Variants in APBB2 observed in about 807,000 individuals in gnomAD.
APBB2 encodes the protein Fe65-like 1.
APBB2 carries 38 observed loss-of-function variants against 82.5 expected under a neutral mutation model. The ratio of observed to expected loss-of-function variants is 0.46; its 90% CI spans 0.36 to 0.60. The LOEUF (loss-of-function observed/expected upper bound fraction) is 0.60. Among genes scored for constraint, APBB2 ranks in the 20% least tolerant of loss-of-function variants. APBB2 has a pLI of 0.00. For missense variants in APBB2, 772 were observed against 972.3 expected, an observed-to-expected ratio of 0.79 and a Z score of 2.74; for synonymous variants, 341 against 368.2, an observed-to-expected ratio of 0.93 and a Z score of 0.85.
At chr4:41,118,805 T>C (rs956764131) in intron 2 of APBB2, among the ~76,000 whole-genome samples, 5 of 152,158 alleles carry the variant, frequency 3.3e-5, no homozygotes, top group African/African-American at 1.2e-4. Context: ...TACCCTGTAC[T>C]ATCTGCTCAG....
intron 2 of APBB2, chr4:41,137,961 GA>G (rs1462847889): frequency 6.6e-6 from 1 of 152,176 alleles, no homozygotes; most frequent in African/African-American, 2.4e-5. Flanking sequence ...GAGGTCAGGA[GA>G]TCAAGACCAT....
chr4:41,177,408 C>T (rs1189086889), intron 1 of APBB2, among the ~76,000 whole-genome samples: 1 of 152,140 alleles, frequency 6.6e-6, no homozygotes, highest in African/African-American at 2.4e-5. Context: ...TCTCATTCTG[C>T]ATTGTAAAAT....
intron 12 of APBB2, among the ~76,000 whole-genome samples, chr4:40,878,860 T>A (rs1030826612): frequency 1.3e-5 from 2 of 152,206 alleles, no homozygotes; most frequent in African/African-American, 4.8e-5. Flanking sequence ...CCACGTCTGA[T>A]CTGGCATTTC....
At chr4:41,162,815 C>T (rs1765518349) in intron 1 of APBB2, among the ~76,000 whole-genome samples, 1 of 152,158 alleles carries the variant, frequency 6.6e-6, no homozygotes, top group African/African-American at 2.4e-5. Context: ...GCTCTGATCA[C>T]ACCACTTCAC....
intron 12 of APBB2, among the ~76,000 whole-genome samples, chr4:40,869,564 G>C: frequency 6.6e-6 from 1 of 152,006 alleles, no homozygotes; most frequent in African/African-American, 2.4e-5. Context: ...CTCCAGCCTG[G>C]GTGAAGGGGT....
chr4:40,855,051 G>T (rs1365633493), intron 12 of APBB2, among the ~76,000 whole-genome samples: 2 of 152,160 alleles, frequency 1.3e-5, no homozygotes, highest in African/African-American at 4.8e-5. Flanking sequence ...ATGGCCCACT[G>T]GTGTGATTAA....
rs1228464097 is a variant in APBB2, at chr4:40,813,842, C to T, written c.*2250G>A. On this transcript the variant is annotated 3_prime_UTR_variant, in exon 18 of 18. Coordinates refer to ENST00000508593, the MANE Select transcript of APBB2 (RefSeq NM_004307.2). ...CTACAGCGACCGAGATGAAAGATCACTGTAAATGATTTCTGAACAGCTTTT... is the reference window on the plus strand; with the variant it reads ...CTACAGCGACCGAGATGAAAGATCATTGTAAATGATTTCTGAACAGCTTTT... 1 of 152,160 alleles carries T rather than the reference C, an allele frequency of 6.6e-6. No individual in the cohort carries two copies. The highest frequency in any genetic ancestry group is 1.5e-5 in the Non-Finnish European group (1 of 68,038). The allele number at this position is 152,160 out of a possible 1,614,324, so 9.4% of individuals were successfully genotyped here. A position where few individuals can be genotyped will look rare whatever the true frequency, so the allele number is the denominator to read the frequency against.
At chr4:41,137,748 C>A (rs934371704) in intron 2 of APBB2, among the ~76,000 whole-genome samples, 23 of 152,116 alleles carry the variant, frequency 1.5e-4, no homozygotes, top group African/African-American at 5.6e-4. Flanking sequence ...AAAGTCAAGT[C>A]ACTGGTTAGC....
intron 1 of APBB2, among the ~76,000 whole-genome samples, chr4:41,198,618 G>A: frequency 1.6e-4 from 24 of 152,128 alleles, no homozygotes; most frequent in Admixed American, 2.6e-4. Context: ...AACGCAGGCC[G>A]ACTGACTCCA....
At chr4:41,064,262 G>A (rs1234420216) in intron 4 of APBB2, among the ~76,000 whole-genome samples, 2 of 151,536 alleles carry the variant, frequency 1.3e-5, no homozygotes, top group African/African-American at 4.9e-5. Context: ...ACAGGCGTGA[G>A]CCACCACGCC....
At chr4:41,172,235 C>G (rs1353579237) in intron 1 of APBB2, among the ~76,000 whole-genome samples, 1 of 151,726 alleles carries the variant, frequency 6.6e-6, no homozygotes, top group Non-Finnish European at 1.5e-5. Flanking sequence ...CCGCCCCAGG[C>G]ACATTCCAGT....
At chr4:41,017,703 T>A (rs932999687) in intron 5 of APBB2, among the ~76,000 whole-genome samples, 1 of 152,190 alleles carries the variant, frequency 6.6e-6, no homozygotes, top group Non-Finnish European at 1.5e-5. Context: ...AGCGCGGGGC[T>A]GCCTACCAGG....
intron 12 of APBB2, among the ~76,000 whole-genome samples, chr4:40,863,891 CAAAAAA>C (rs60135616): frequency 6.1e-5 from 2 of 33,000 alleles, no homozygotes; most frequent in African/African-American, 2.2e-4. Context: ...GAGACTGTCT[CAAAAAA>C]AAAAAAAAAA....
intron 10 of APBB2, among the ~76,000 whole-genome samples, chr4:40,933,933 C>A (rs960235506): frequency 1.3e-5 from 2 of 152,342 alleles, no homozygotes; most frequent in Non-Finnish European, 1.5e-5. Flanking sequence ...GCTCTGTTAG[C>A]AACCTACCAG....
At chr4:40,876,669 C>T (rs1053395575) in intron 12 of APBB2, among the ~76,000 whole-genome samples, 3 of 152,232 alleles carry the variant, frequency 2.0e-5, no homozygotes, top group Non-Finnish European at 2.9e-5. Context: ...ACTTATAATA[C>T]CTAATACAAT....
intron 10 of APBB2, among the ~76,000 whole-genome samples, chr4:40,904,969 T>C (rs1317733269): frequency 6.6e-6 from 1 of 152,150 alleles, no homozygotes; most frequent in Non-Finnish European, 1.5e-5. Flanking sequence ...GAAAACACGA[T>C]GCATGGCCCT....
intron 2 of APBB2, among the ~76,000 whole-genome samples, chr4:41,141,594 A>C (rs1023008069): frequency 2.0e-5 from 3 of 152,178 alleles, no homozygotes; most frequent in African/African-American, 7.2e-5. Flanking sequence ...GGCCCCTCCA[A>C]AGATGGTTGT....
chr4:41,114,472 G>C (rs1750277703), intron 2 of APBB2, among the ~76,000 whole-genome samples: 2 of 152,062 alleles, frequency 1.3e-5, no homozygotes, highest in African/African-American at 4.8e-5. Flanking sequence ...TTCTGGTCAG[G>C]GCAATCAGAC....
rs1248547240 is a variant in APBB2 at position 41,214,482 on chromosome 4, GA to G, written c.-495del. The G allele has an allele frequency of 5.9e-5, 9 of 152,432 alleles. No individual in the cohort carries two copies. Among genetic ancestry groups the G allele is most frequent in the Non-Finnish European group, 1.2e-4 (8 of 68,198 alleles). 9.4% of individuals were successfully genotyped at this position (152,432 alleles called of 1,614,324 possible). A position where few individuals can be genotyped will look rare whatever the true frequency, so the allele number is the denominator to read the frequency against. On this transcript the variant is annotated 5_prime_UTR_variant, in exon 1 of 18. Transcript: ENST00000508593. ...AGTCTCGCCCTTCCCGGAGCGCCCA[GA>G]TCAGATGCGGTTACAGCGCACTAGC...
Sources: allele counts gnomAD v4.1 joint callset (sites outside exome capture counted in the v4.1 genomes callset), GRCh38; gene constraint gnomAD v4.1.1; transcripts MANE v1.5; gene names NCBI Gene and HGNC (gene_info 2026-07-23, HGNC 2026-07-21).